Variants in PVT1 observed in about 807,000 individuals in gnomAD.
The protein encoded by PVT1 is Pvt1 oncogene.
At chr8:128,064,814 G>A (rs1260694155) in intron 4 of PVT1, among the ~76,000 whole-genome samples, 2 of 152,166 alleles carry the variant, frequency 1.3e-5, no homozygotes, top group Admixed American at 6.5e-5. Flanking sequence ...TGTCAAGTTC[G>A]CCTCAACTTT....
At chr8:128,071,474 G>A (rs1813989631) in intron 5 of PVT1, among the ~76,000 whole-genome samples, 2 of 151,790 alleles carry the variant, frequency 1.3e-5, no homozygotes. Flanking sequence ...TTGAGGCCAG[G>A]AGATTAATAC....
intron 3 of PVT1, among the ~76,000 whole-genome samples, chr8:127,912,525 G>T (rs1815912009): frequency 6.6e-6 from 1 of 152,192 alleles, no homozygotes; most frequent in African/African-American, 2.4e-5. Flanking sequence ...GCAGCCTCCT[G>T]TGAGCTGACT....
chr8:127,816,365 C>A (rs1205330998), intron 2 of PVT1, among the ~76,000 whole-genome samples: 1 of 151,958 alleles, frequency 6.6e-6, no homozygotes, highest in East Asian at 1.9e-4. Flanking sequence ...CCAGGCTGGT[C>A]CCAAACTCCT....
At chr8:127,953,263 G>A (rs1816528809) in intron 3 of PVT1, among the ~76,000 whole-genome samples, 1 of 152,122 alleles carries the variant, frequency 6.6e-6, no homozygotes, top group Non-Finnish European at 1.5e-5. Context: ...GATCTGCTGG[G>A]AGATCACCCT....
chr8:127,958,248 CT>C (rs376496471), intron 3 of PVT1, among the ~76,000 whole-genome samples: 4,164 of 150,838 alleles, frequency 0.028, 189 homozygotes, highest in African/African-American at 0.097. Context: ...TCTTTTCTTT[CT>C]TTTTTTTTGA....
At chr8:128,003,424 T>G (rs2130022088) in intron 4 of PVT1, among the ~76,000 whole-genome samples, 2 of 151,944 alleles carry the variant, frequency 1.3e-5, no homozygotes, top group Middle Eastern at 3.4e-3. Flanking sequence ...TGGCCCACTG[T>G]AGCCTAGACA....
chr8:127,959,446 G>A (rs951580001), intron 3 of PVT1, among the ~76,000 whole-genome samples: 30 of 152,068 alleles, frequency 2.0e-4, no homozygotes, highest in Non-Finnish European at 4.0e-4. Context: ...TTAGCTGCAC[G>A]TGGTGGCACG....
intron 2 of PVT1, among the ~76,000 whole-genome samples, chr8:127,856,398 A>G (rs1815160743): frequency 1.3e-5 from 2 of 151,296 alleles, no homozygotes; most frequent in African/African-American, 4.9e-5. Flanking sequence ...CTGGAGTGCA[A>G]TGGCATGAAC....
chr8:127,904,507 T>G (rs1815797065), intron 3 of PVT1, among the ~76,000 whole-genome samples: 1 of 152,238 alleles, frequency 6.6e-6, no homozygotes, highest in Non-Finnish European at 1.5e-5. Flanking sequence ...ACATCCATCA[T>G]TCTGAGGTGT....
intron 3 of PVT1, among the ~76,000 whole-genome samples, chr8:127,926,556 G>A (rs1274431039): frequency 6.6e-6 from 1 of 152,156 alleles, no homozygotes; most frequent in African/African-American, 2.4e-5. Context: ...AAACTCCATG[G>A]TGCGGTTCAT....
intron 4 of PVT1, among the ~76,000 whole-genome samples, chr8:127,992,406 T>G (rs376771827): frequency 6.6e-6 from 1 of 152,138 alleles, no homozygotes; most frequent in East Asian, 1.9e-4. Flanking sequence ...ACAAATTTTT[T>G]TCTTTTATTT....
chr8:127,851,514 C>T (rs1815107027), intron 2 of PVT1, among the ~76,000 whole-genome samples: 1 of 152,098 alleles, frequency 6.6e-6, no homozygotes, highest in Non-Finnish European at 1.5e-5. Context: ...AGCAAAACAC[C>T]CAGCCCAGAG....
At position 127,930,437 on chromosome 8, in the gene PVT1, G is replaced by A. The variant is rs138630800; in HGVS notation, n.782+39439G>A. ...GCCTCCCAAAGTGCTGAGATTAGAG[G>A]CGTGAGTCATCATGCCTGGCAGTAA... On this transcript the variant is annotated intron_variant and non_coding_transcript_variant, in intron 3 of 10. Transcript: ENST00000651587. 2.0e-3 allele frequency among the ~76,000 whole-genome samples: 301 copies of A among 152,298 alleles called. 3 individuals are homozygous for A. Among genetic ancestry groups the A allele is most frequent in the African/African-American group, 7.1e-3 (294 of 41,558 alleles).
chr8:127,938,692 A>G (rs1816308350), intron 3 of PVT1, among the ~76,000 whole-genome samples: 1 of 152,160 alleles, frequency 6.6e-6, no homozygotes, highest in Non-Finnish European at 1.5e-5. Context: ...ATGGAAGAGA[A>G]AGGCTGAAGT....
intron 3 of PVT1, among the ~76,000 whole-genome samples, chr8:127,949,120 G>A (rs945569283): frequency 6.6e-6 from 1 of 152,180 alleles, no homozygotes; most frequent in Non-Finnish European, 1.5e-5. Context: ...GGTGAGGAGA[G>A]TGGAGCACAG....
intron 4 of PVT1, among the ~76,000 whole-genome samples, chr8:128,002,061 T>C (rs1247234714): frequency 6.6e-6 from 1 of 152,222 alleles, no homozygotes; most frequent in East Asian, 1.9e-4. Context: ...ACCAGGCACG[T>C]CAACAATCTT....
intron 4 of PVT1, among the ~76,000 whole-genome samples, chr8:127,989,957 T>C (rs1231136702): frequency 1.3e-5 from 2 of 152,210 alleles, no homozygotes; most frequent in African/African-American, 2.4e-5. Context: ...GAGTGAGATA[T>C]TGGAGCAAAA....
In PVT1 at chr8:127,843,579, A is replaced by T. The variant is rs568539523; in HGVS notation, n.373-47010A>T. Among the ~76,000 whole-genome samples, 607 of 151,908 alleles carry T rather than the reference A, an allele frequency of 4.0e-3. 8 individuals are homozygous for T. Among genetic ancestry groups the T allele is most frequent in the African/African-American group, 0.013 (556 of 41,434 alleles). ...TGCCTCAGCCTCTTGAGTAGCTGGG[A>T]CTACAGGCGCCCGCCACCACGACCG... is the stretch of plus-strand genomic sequence containing the variant. On this transcript the variant is annotated intron_variant and non_coding_transcript_variant, in intron 2 of 10. Coordinates refer to ENST00000651587, the Ensembl canonical transcript of PVT1.
At chr8:127,955,749 A>AT (rs969686897) in intron 3 of PVT1, among the ~76,000 whole-genome samples, 4 of 151,450 alleles carry the variant, frequency 2.6e-5, no homozygotes, top group African/African-American at 4.9e-5. Flanking sequence ...TACCCTGCTA[A>AT]TTTTTTTTTA....
Sources: gnomAD v4.1 joint callset for allele counts (sites outside exome capture counted in the v4.1 genomes callset) on GRCh38, gnomAD v4.1.1 for gene constraint, MANE v1.5 for transcripts, NCBI Gene and HGNC (gene_info 2026-07-23, HGNC 2026-07-21) for gene names.